The following SLC6A19 variants were observed in gnomAD, a reference collection of about 807,000 sequenced individuals.
The protein encoded by SLC6A19 is sodium-dependent neutral amino acid transporter B(0)AT1.
In SLC6A19, 67 loss-of-function variants were observed where a neutral mutation model predicts 68.3. The observed-to-expected ratio is 0.98, with a 90% CI of 0.81 to 1.20. The LOEUF is 1.20. SLC6A19 is among the 50% of genes most tolerant of loss of function. The pLI, the probability that SLC6A19 is intolerant of heterozygous loss-of-function variation, is 0.00. For missense variants in SLC6A19, 813 were observed against 851.6 expected, an observed-to-expected ratio of 0.95 and a Z score of 0.56; for synonymous variants, 392 against 374.9, an observed-to-expected ratio of 1.05 and a Z score of -0.53.
intron 10 of SLC6A19, 64 bp downstream of exon 10, chr5:1,219,728 T>G (rs1427981354): frequency 6.3e-7 from 1 of 1,595,896 alleles, no homozygotes; most frequent in African/African-American, 1.3e-5. Flanking sequence ...GGCGTTCCTG[T>G]GAGGGAGGAC....
At position 1,221,971 on chromosome 5, in the gene SLC6A19, G is replaced by T. The variant is rs1003457006; in HGVS notation, c.*67G>T. 1.7e-5 allele frequency: 27 copies of T among 1,568,194 alleles called. No individual in the cohort carries two copies. Among genetic ancestry groups the T allele is most frequent in the Non-Finnish European group, 1.9e-5 (22 of 1,149,010 alleles). On this transcript the variant is annotated 3_prime_UTR_variant, in exon 12 of 12. Coordinates refer to ENST00000304460, the MANE Select transcript of SLC6A19 (RefSeq NM_001003841.3). ...AGGAGGAACCAGCAAGACCTGTGGG[G>T]TGGGGGCCGGGCTGCACCTGCATGT...
intron 1 of SLC6A19, among the ~76,000 whole-genome samples, chr5:1,206,395 CCTCT>C (rs1181261709): frequency 5.0e-5 from 4 of 79,236 alleles, no homozygotes; most frequent in Admixed American, 1.1e-4. Context: ...TCCCTGCCTC[CCTCT>C]CTGTCTCTGT....
chr5:1,206,949 C>T (rs970369154), intron 1 of SLC6A19, among the ~76,000 whole-genome samples: 3 of 152,228 alleles, frequency 2.0e-5, no homozygotes, highest in Admixed American at 6.5e-5. Context: ...CAGCTGCTGA[C>T]CTCGGTCCCA....
Position 1,221,416 on chromosome 5 carries a change from C to T in SLC6A19, c.1701+103C>T, listed in dbSNP as rs1465086561. The T allele has an allele frequency of 4.3e-6, 6 of 1,408,526 alleles. No homozygotes were observed. In the African/African-American group the frequency reaches 8.5e-5, roughly 20 times the overall value. 87.3% of individuals were successfully genotyped at this position (1,408,526 alleles called of 1,614,324 possible). On this transcript the variant is annotated intron_variant, in intron 11 of 11. Coordinates refer to ENST00000304460, the MANE Select transcript of SLC6A19 (RefSeq NM_001003841.3). The stretch of plus-strand genomic sequence containing the variant: ...CGCATGCACACACAATACACACACC[C>T]ACACACATGGGCACACACACTCACA...
chr5:1,207,369 G>A (rs964055704), intron 1 of SLC6A19, among the ~76,000 whole-genome samples: 18 of 147,020 alleles, frequency 1.2e-4, no homozygotes, highest in Non-Finnish European at 7.5e-5. Context: ...CAGAGGGAGC[G>A]GTCAGGGCAG....
chr5:1,202,822 A>G (rs1745753599), intron 1 of SLC6A19, among the ~76,000 whole-genome samples: 1 of 152,188 alleles, frequency 6.6e-6, no homozygotes, highest in Admixed American at 6.5e-5. Context: ...AAAAACAGAA[A>G]TGGGCTTTTC....
intron 1 of SLC6A19, among the ~76,000 whole-genome samples, chr5:1,207,350 G>A (rs917723872): frequency 6.6e-5 from 10 of 152,176 alleles, no homozygotes; most frequent in Middle Eastern, 3.2e-3. Flanking sequence ...GAGGCCGTAC[G>A]TCCACCCGCA....
Position 1,212,554 on chromosome 5 carries a change from G to A in SLC6A19, c.663+70G>A. 2 of 1,584,766 alleles carry A rather than the reference G, an allele frequency of 1.3e-6. No homozygotes were observed. Among genetic ancestry groups the A allele is most frequent in the Non-Finnish European group, 1.7e-6 (2 of 1,169,352 alleles). On this transcript the variant is annotated intron_variant, in intron 4 of 11. Coordinates refer to ENST00000304460, the MANE Select transcript of SLC6A19 (RefSeq NM_001003841.3). The surrounding 1 kb of genome is among the most constrained non-coding windows in gnomAD (Gnocchi z 5.1). ...GTGCGGGCAGCCCTGCCTCCGGCCGGCTGCACTCTAAAACCCAGGTCTGGG... is the reference window on the plus strand; with the variant it reads ...GTGCGGGCAGCCCTGCCTCCGGCCGACTGCACTCTAAAACCCAGGTCTGGG...
intron 1 of SLC6A19, among the ~76,000 whole-genome samples, chr5:1,206,779 A>G (rs1190277263): frequency 6.6e-6 from 1 of 152,050 alleles, no homozygotes; most frequent in Admixed American, 6.5e-5. Context: ...GTGTCATGTG[A>G]GCATCCCCAC....
intron 1 of SLC6A19, among the ~76,000 whole-genome samples, chr5:1,204,351 C>T (rs900415065): frequency 3.9e-5 from 6 of 152,212 alleles, no homozygotes; most frequent in African/African-American, 1.4e-4. Context: ...TCACCTGAGC[C>T]GTCTCAAGGG....
In SLC6A19 at chr5:1,208,973, G is replaced by A. The variant is rs1012357083; in HGVS notation, c.343+87G>A. 3.3e-5 allele frequency: 49 copies of A among 1,493,356 alleles called. No individual in the cohort carries two copies. The South Asian group carries it at 3.6e-4, about 11-fold the overall frequency. 92.5% of individuals were successfully genotyped at this position (1,493,356 alleles called of 1,614,324 possible). A position where few individuals can be genotyped will look rare whatever the true frequency, so the allele number is the denominator to read the frequency against. ...ACCCGGGCCCAGGGTTCGCCTTGCC[G>A]GCCTCGGTGCCCCTGCTCTGCCTTC... On this transcript the variant is annotated intron_variant, in intron 2 of 11. Transcript: ENST00000304460.
At chr5:1,216,537 T>A (rs1326081290) in intron 6 of SLC6A19, 21 bp from the exon 7 acceptor site, 3 of 1,613,978 alleles carry the variant, frequency 1.9e-6, no homozygotes, top group South Asian at 1.1e-5. Flanking sequence ...CCAGCCGCCA[T>A]GACACTGGTC....
In SLC6A19 at chr5:1,222,102, TGA is replaced by T. The variant is rs772097601; in HGVS notation, c.*200_*201del. 1.6e-5 allele frequency: 10 copies of T among 627,842 alleles called. No homozygotes were observed. Among genetic ancestry groups the T allele is most frequent in the Non-Finnish European group, 2.5e-5 (9 of 356,618 alleles). The allele number at this position is 627,842 out of a possible 1,614,324, so 38.9% of individuals were successfully genotyped here. A position where few individuals can be genotyped will look rare whatever the true frequency, so the allele number is the denominator to read the frequency against. On this transcript the variant is annotated 3_prime_UTR_variant, in exon 12 of 12. Coordinates refer to ENST00000304460, the MANE Select transcript of SLC6A19 (RefSeq NM_001003841.3). ...TGCATGTACATGCATGGGCACTGTG[TGA>T]GTGTGCACGTGTATGCACACATATA...
rs367576369 is a variant in SLC6A19 at position 1,201,654 on chromosome 5, G to T, written c.4G>T (p.Val2Leu). Reference protein sequence around the residue: MVRLVLPNPGLD... With the variant: MLRLVLPNPGLD... The stretch of plus-strand genomic sequence containing the variant: ...GCGGAGCCGTCCAGCGACCACCATG[G>T]TGAGGCTCGTGCTGCCCAACCCCGG... The change falls in exon 1 of 12, where the codon GTG becomes TTG. Residue 2 changes from valine (V) to leucine (L), a missense_variant. Transcript: ENST00000304460. The T allele has an allele frequency of 8.5e-5, 137 of 1,606,038 alleles. 1 individual carries two copies. The African/African-American group carries it at 1.4e-3, about 16-fold the overall frequency.
At position 1,222,100 on chromosome 5, in the gene SLC6A19, TGTGA is replaced by T; in HGVS notation, c.*200_*203del. ...TGTGCATGTACATGCATGGGCACTG[TGTGA>T]GTGTGCACGTGTATGCACACATATA... is the stretch of plus-strand genomic sequence containing the variant. On this transcript the variant is annotated 3_prime_UTR_variant, in exon 12 of 12. Coordinates refer to ENST00000304460, the MANE Select transcript of SLC6A19 (RefSeq NM_001003841.3). 1 of 588,092 alleles carries T rather than the reference TGTGA, an allele frequency of 1.7e-6. No individual in the cohort carries two copies. The highest frequency in any genetic ancestry group is 3.0e-6 in the Non-Finnish European group (1 of 334,108). 36.4% of individuals were successfully genotyped at this position (588,092 alleles called of 1,614,324 possible).
At chr5:1,210,345 C>T in intron 2 of SLC6A19, 99 bp from the exon 3 acceptor site, 2 of 1,544,990 alleles carry the variant, frequency 1.3e-6, no homozygotes, top group Admixed American at 1.8e-5. Flanking sequence ...ATCCCAGCCA[C>T]ACCCTGTGCC....
chr5:1,214,165 G>A lies in SLC6A19; in HGVS notation c.887+100G>A, dbSNP rs999509596. 2.3e-5 allele frequency: 37 copies of A among 1,574,920 alleles called. No homozygotes were observed. Among genetic ancestry groups the A allele is most frequent in the Non-Finnish European group, 3.1e-5 (36 of 1,161,244 alleles). On this transcript the variant is annotated intron_variant, in intron 6 of 11. Coordinates refer to ENST00000304460, the MANE Select transcript of SLC6A19 (RefSeq NM_001003841.3). This position sits in a 1 kb window ranked among gnomAD's most constrained non-coding sequence, Gnocchi z 7.4. The stretch of plus-strand genomic sequence containing the variant: ...GTGGAAAGCACTCTGTGGCTGTGTG[G>A]CCGGGGCCTTGCTGCCCCGATGGGC...
Position 1,212,313 on chromosome 5 carries a change from C to G in SLC6A19, c.492C>G (p.Asp164Glu). ...TGGCCCTCTCCCCAGGGTATGTGGA[C>G]GAGTGCGCCAGGAGCTCCCCTGTGG... ...PLNENQTGYV[D>E]ECARSSPVDY... Residue 164 changes from aspartate (D) to glutamate (E), a missense_variant, in exon 4 of 12, where the codon GAC becomes GAG. Coordinates refer to ENST00000304460, the MANE Select transcript of SLC6A19 (RefSeq NM_001003841.3). This position sits in a 1 kb window ranked among gnomAD's most constrained non-coding sequence, Gnocchi z 5.1. 6.2e-7 allele frequency: 1 copy of G among 1,613,430 alleles called. No individual in the cohort carries two copies. Among genetic ancestry groups the G allele is most frequent in the Non-Finnish European group, 8.5e-7 (1 of 1,179,930 alleles).
Position 1,214,602 on chromosome 5 carries a change from T to C in SLC6A19, c.887+537T>C, listed in dbSNP as rs1296136422. Among the ~76,000 whole-genome samples the C allele has an allele frequency of 2.6e-5, 4 of 152,136 alleles. No homozygotes were observed. The highest frequency in any genetic ancestry group is 9.7e-5 in the African/African-American group (4 of 41,426). ...ACTAGCATTTATGAAGCACCTACTATGTGCCCGACCTGGTGCATCAGGACC... is the reference window on the plus strand; with the variant it reads ...ACTAGCATTTATGAAGCACCTACTACGTGCCCGACCTGGTGCATCAGGACC... On this transcript the variant is annotated intron_variant, in intron 6 of 11. Transcript: ENST00000304460. The surrounding 1 kb of genome is among the most constrained non-coding windows in gnomAD (Gnocchi z 7.4).
Sources: allele counts gnomAD v4.1 joint callset (sites outside exome capture counted in the v4.1 genomes callset), GRCh38; gene constraint gnomAD v4.1.1; non-coding constraint Gnocchi (gnomAD v3.1); transcripts MANE v1.5; gene names NCBI Gene and HGNC (gene_info 2026-07-23, HGNC 2026-07-21).